SLIT3: variants seen among roughly 807,000 people sequenced by gnomAD.
The protein encoded by SLIT3 is slit homolog 3 protein.
A neutral mutation model predicts 184.0 loss-of-function variants in SLIT3; 68 were observed. That is an observed-to-expected ratio of 0.37 (90% CI 0.30 to 0.45). The LOEUF (loss-of-function observed/expected upper bound fraction) is 0.45. SLIT3 is among the 20% of genes least tolerant of loss of function. The probability of loss-of-function intolerance (pLI) is 1.00; values close to 1 mark genes in which losing one functional copy is unlikely to be tolerated. For synonymous variants in SLIT3, 831 were observed against 828.6 expected (o/e 1.00, Z -0.05); for missense variants, 1,707 against 2,026.0 (o/e 0.84, Z 3.02).
rs143824473 is a variant in SLIT3, at chr5:168,962,649, C to A, written c.414-79313G>T. On this transcript the variant is annotated intron_variant, in intron 4 of 35. Coordinates refer to ENST00000519560, the MANE Select transcript of SLIT3 (RefSeq NM_003062.4). Reference sequence around the variant, plus strand: ...TCCATACCCTGGAGTCCCACTGAGGCCCCCCAGGGCAGCCTGAGCTGGCGC... The same window carrying A: ...TCCATACCCTGGAGTCCCACTGAGGACCCCCAGGGCAGCCTGAGCTGGCGC... Among the ~76,000 whole-genome samples the A allele has an allele frequency of 8.4e-4, 128 of 152,320 alleles. 1 individual carries two copies. The East Asian group carries it at 0.014, about 17-fold the overall frequency.
chr5:168,819,735 TG>T (rs937217168), intron 7 of SLIT3, among the ~76,000 whole-genome samples: 1 of 152,224 alleles, frequency 6.6e-6, no homozygotes, highest in Non-Finnish European at 1.5e-5. Flanking sequence ...GTTTCCCTTT[TG>T]GAAGATTCTA....
At chr5:169,257,517 T>C (rs1381316365) in intron 1 of SLIT3, among the ~76,000 whole-genome samples, 2 of 145,022 alleles carry the variant, frequency 1.4e-5, no homozygotes, top group African/African-American at 5.1e-5. Context: ...TTTGATACAA[T>C]AGCTTTCTAT....
chr5:169,110,092 C>T (rs908404738), intron 4 of SLIT3, among the ~76,000 whole-genome samples: 4 of 152,120 alleles, frequency 2.6e-5, no homozygotes, highest in South Asian at 4.2e-4. Context: ...AGGTGATCTG[C>T]CTGCCTCAGC....
At chr5:169,148,147 G>C (rs1043795961) in intron 4 of SLIT3, among the ~76,000 whole-genome samples, 1 of 152,132 alleles carries the variant, frequency 6.6e-6, no homozygotes, top group Non-Finnish European at 1.5e-5. Flanking sequence ...GAGTAATCCA[G>C]GCCTCAGTCA....
At chr5:169,168,938 C>T (rs1398303209) in intron 4 of SLIT3, among the ~76,000 whole-genome samples, 6 of 152,212 alleles carry the variant, frequency 3.9e-5, no homozygotes, top group Non-Finnish European at 7.3e-5. Flanking sequence ...CAGCTCTATG[C>T]TCCTCTCCCT....
intron 4 of SLIT3, among the ~76,000 whole-genome samples, chr5:168,988,944 T>C (rs911004703): frequency 3.3e-5 from 5 of 152,348 alleles, no homozygotes; most frequent in African/African-American, 1.2e-4. Context: ...AAGTGAAAGT[T>C]TCTGGATGTA....
intron 4 of SLIT3, among the ~76,000 whole-genome samples, chr5:169,082,932 A>AAATCC (rs1371086645): frequency 6.6e-6 from 1 of 152,234 alleles, no homozygotes; most frequent in African/African-American, 2.4e-5. Flanking sequence ...AATACAGGGC[A>AAATCC]AATCCACAAT....
intron 4 of SLIT3, among the ~76,000 whole-genome samples, chr5:169,086,273 G>C (rs1170082176): frequency 6.6e-6 from 1 of 152,190 alleles, no homozygotes; most frequent in East Asian, 1.9e-4. Context: ...CCCAGGAACT[G>C]GCAACCACTA....
chr5:169,127,523 TAGTC>T (rs1445135279), intron 4 of SLIT3, among the ~76,000 whole-genome samples: 7 of 152,210 alleles, frequency 4.6e-5, no homozygotes, highest in African/African-American at 1.7e-4. Flanking sequence ...CGGAAGAAGA[TAGTC>T]AGCATTCAAG....
intron 4 of SLIT3, among the ~76,000 whole-genome samples, chr5:168,979,209 G>C (rs187672750): frequency 7.9e-5 from 12 of 152,352 alleles, no homozygotes; most frequent in African/African-American, 2.9e-4. Flanking sequence ...TCTCAAACCA[G>C]ATCAACCTTC....
intron 8 of SLIT3, among the ~76,000 whole-genome samples, chr5:168,807,855 G>A (rs182365678): frequency 1.8e-4 from 27 of 152,298 alleles, no homozygotes; most frequent in Non-Finnish European, 8.8e-5. Flanking sequence ...CTGGTGTCCC[G>A]TTTGGACGCG....
intron 20 of SLIT3, among the ~76,000 whole-genome samples, chr5:168,729,506 A>G (rs1476784260): frequency 1.3e-5 from 2 of 152,068 alleles, no homozygotes; most frequent in Non-Finnish European, 1.5e-5. Flanking sequence ...GCTGAAAGAA[A>G]AAAAAAAACT....
chr5:168,965,412 G>A (rs1489634917), intron 4 of SLIT3, among the ~76,000 whole-genome samples: 1 of 152,162 alleles, frequency 6.6e-6, no homozygotes, highest in Non-Finnish European at 1.5e-5. Flanking sequence ...GCTTTGATGG[G>A]ACCTTTGCTC....
intron 22 of SLIT3, among the ~76,000 whole-genome samples, 181 bp downstream of exon 22, chr5:168,722,752 A>C (rs1327859810): frequency 2.6e-5 from 4 of 152,214 alleles, no homozygotes; most frequent in Non-Finnish European, 5.9e-5. Context: ...AACTGCCTGG[A>C]CAGTGGAGGG....
At chr5:168,899,292 G>C (rs1299233844) in intron 4 of SLIT3, among the ~76,000 whole-genome samples, 1 of 152,170 alleles carries the variant, frequency 6.6e-6, no homozygotes, top group African/African-American at 2.4e-5. Flanking sequence ...AAGGCAGGAG[G>C]ATCACTTGAG....
chr5:169,125,490 C>G (rs1761046980), intron 4 of SLIT3, among the ~76,000 whole-genome samples: 1 of 152,222 alleles, frequency 6.6e-6, no homozygotes, highest in Admixed American at 6.5e-5. Flanking sequence ...AAATGCCCTT[C>G]TTTGGGAAAA....
chr5:168,902,284 G>A (rs956472547), intron 4 of SLIT3, among the ~76,000 whole-genome samples: 2 of 152,178 alleles, frequency 1.3e-5, no homozygotes, highest in Non-Finnish European at 2.9e-5. Flanking sequence ...ACAGTGTCAG[G>A]CAAAAGGCAT....
chr5:168,791,003 C>T (rs1286646876), intron 10 of SLIT3: 7 of 152,342 alleles, frequency 4.6e-5, no homozygotes, highest in Middle Eastern at 3.4e-3. Flanking sequence ...AAATCACCTC[C>T]GACAAATCCG....
chr5:168,845,632 T>C (rs1758433867), intron 5 of SLIT3, among the ~76,000 whole-genome samples: 1 of 152,148 alleles, frequency 6.6e-6, no homozygotes, highest in Non-Finnish European at 1.5e-5. Context: ...GGGTTTTTTT[T>C]TTCCTAAATC....
Sources: allele counts gnomAD v4.1 joint callset (sites outside exome capture counted in the v4.1 genomes callset), GRCh38; gene constraint gnomAD v4.1.1; transcripts MANE v1.5; gene names NCBI Gene and HGNC (gene_info 2026-07-23, HGNC 2026-07-21).